MYT1L: variants seen among roughly 807,000 people sequenced by gnomAD.
MYT1L encodes the protein myelin transcription factor 1-like protein.
In MYT1L, 12 loss-of-function variants were observed where a neutral mutation model predicts 126.7. The observed-to-expected ratio is 0.09, with a 90% CI of 0.06 to 0.15. The LOEUF (loss-of-function observed/expected upper bound fraction) is 0.15, where lower values mean the gene tolerates loss of function less well. Among genes scored for constraint, MYT1L ranks in the 10% least tolerant of loss-of-function variants. The pLI is 1.00. For synonymous variants in MYT1L, 541 were observed against 604.2 expected (o/e 0.90, Z 1.53); for missense variants, 979 against 1,585.2 (o/e 0.62, Z 6.49).
chr2:2,281,266 A>T (rs957769435), intron 2 of MYT1L, among the ~76,000 whole-genome samples: 18 of 152,140 alleles, frequency 1.2e-4, no homozygotes, highest in African/African-American at 4.3e-4. Context: ...GTTTCCTGAG[A>T]CCTCCCAAGC....
chr2:1,891,182 T>C (rs958334560), intron 15 of MYT1L, among the ~76,000 whole-genome samples: 4 of 152,222 alleles, frequency 2.6e-5, no homozygotes, highest in Non-Finnish European at 5.9e-5. Flanking sequence ...TCTTCATTCA[T>C]ACCAACTACA....
intron 2 of MYT1L, among the ~76,000 whole-genome samples, chr2:2,196,548 G>A (rs1279661473): frequency 1.3e-5 from 2 of 150,736 alleles, no homozygotes; most frequent in African/African-American, 4.9e-5. Flanking sequence ...TATAATATGT[G>A]GTTTATATTA....
intron 18 of MYT1L, among the ~76,000 whole-genome samples, 159 bp from the exon 19 acceptor site, chr2:1,851,862 C>A (rs1413631357): frequency 6.6e-6 from 1 of 152,162 alleles, no homozygotes; most frequent in East Asian, 1.9e-4. Flanking sequence ...AGCTGGAAGT[C>A]ACCATGACCA....
Position 2,130,603 on chromosome 2 carries a change from A to T in MYT1L, c.-304+42269T>A, listed in dbSNP as rs182454886. On this transcript the variant is annotated intron_variant, in intron 3 of 24. Transcript: ENST00000647738. Reference sequence around the variant, plus strand: ...CCATGGGATACTCTGCTGCTATTTTAAAAAAAGTGAGATAGGGCAGGTCAT... The same window carrying T: ...CCATGGGATACTCTGCTGCTATTTTTAAAAAAGTGAGATAGGGCAGGTCAT... Among the ~76,000 whole-genome samples the T allele has an allele frequency of 1.6e-3, 241 of 152,224 alleles. 1 individual carries two copies. Among genetic ancestry groups the T allele is most frequent in the African/African-American group, 5.3e-3 (220 of 41,526 alleles).
At position 2,165,382 on chromosome 2, in the gene MYT1L, A is replaced by G. The variant is rs148436062; in HGVS notation, c.-304+7490T>C. ...CACACAGGTGACCACAGACATCCAC[A>G]TGCCACACACATTTTCCTGAACCTC... On this transcript the variant is annotated intron_variant, in intron 3 of 24. Coordinates refer to ENST00000647738, the MANE Select transcript of MYT1L (RefSeq NM_001303052.2). 9.2e-5 allele frequency among the ~76,000 whole-genome samples: 14 copies of G among 152,280 alleles called. No homozygotes were observed. The East Asian group carries it at 2.5e-3, about 27-fold the overall frequency.
intron 2 of MYT1L, among the ~76,000 whole-genome samples, chr2:2,187,659 A>G (rs1559278947): frequency 6.6e-6 from 1 of 152,078 alleles, no homozygotes; most frequent in Non-Finnish European, 1.5e-5. Context: ...CTGGCTAAAA[A>G]TACGTTTCCA....
chr2:2,281,488 T>C (rs544458676), intron 2 of MYT1L, among the ~76,000 whole-genome samples: 64 of 152,320 alleles, frequency 4.2e-4, no homozygotes, highest in African/African-American at 1.4e-3. Flanking sequence ...GTCTTCCTGA[T>C]TGATTGTAAA....
intron 2 of MYT1L, among the ~76,000 whole-genome samples, chr2:2,177,962 T>A (rs1189339287): frequency 2.0e-5 from 3 of 152,202 alleles, no homozygotes; most frequent in African/African-American, 7.2e-5. Context: ...GCTGAGATGA[T>A]CTTTGGAGAC....
intron 2 of MYT1L, among the ~76,000 whole-genome samples, chr2:2,240,411 T>C (rs1052816761): frequency 6.6e-6 from 1 of 152,044 alleles, no homozygotes; most frequent in Admixed American, 6.5e-5. Context: ...AAAAAAGAAA[T>C]GTAAATGATC....
At chr2:2,185,890 C>G (rs1161761233) in intron 2 of MYT1L, among the ~76,000 whole-genome samples, 1 of 117,446 alleles carries the variant, frequency 8.5e-6, no homozygotes, top group African/African-American at 3.7e-5. Context: ...GTGAGGGGGA[C>G]GCAGCCGGGC....
rs2048339820 is a variant in MYT1L at position 1,887,770 on chromosome 2, T to C, written c.2521-161A>G. On this transcript the variant is annotated intron_variant, in intron 16 of 24. Coordinates refer to ENST00000647738, the MANE Select transcript of MYT1L (RefSeq NM_001303052.2). This position sits in a 1 kb window ranked among gnomAD's most constrained non-coding sequence, Gnocchi z 4.8. ...TGATAACGCCCCTACTGAAAATGCA[T>C]ATTGAACTTTTCTTCCACTGCTCTA... Among the ~76,000 whole-genome samples, 1 of 152,200 alleles carries C rather than the reference T, an allele frequency of 6.6e-6. No individual in the cohort carries two copies. Among genetic ancestry groups the C allele is most frequent in the Non-Finnish European group, 1.5e-5 (1 of 68,036 alleles).
intron 3 of MYT1L, among the ~76,000 whole-genome samples, chr2:2,171,622 C>T (rs919922879): frequency 1.3e-5 from 2 of 150,906 alleles, no homozygotes; most frequent in African/African-American, 4.9e-5. Flanking sequence ...TTTTTGTCGT[C>T]GTCGTTGTTG....
chr2:2,001,087 C>A (rs6756269), intron 4 of MYT1L, among the ~76,000 whole-genome samples: 10,385 of 152,048 alleles, frequency 0.068, 680 homozygotes, highest in African/African-American at 0.18. Flanking sequence ...ATTCGTGCCC[C>A]CATACAACCT....
chr2:2,294,363 C>T (rs1342996572), intron 1 of MYT1L, among the ~76,000 whole-genome samples: 1 of 152,096 alleles, frequency 6.6e-6, no homozygotes, highest in Non-Finnish European at 1.5e-5. Flanking sequence ...AGGATGGTTT[C>T]AATTTAGAAA....
intron 2 of MYT1L, among the ~76,000 whole-genome samples, chr2:2,237,754 A>C (rs2149113475): frequency 6.6e-6 from 1 of 152,276 alleles, no homozygotes; most frequent in African/African-American, 2.4e-5. Flanking sequence ...AGGCAGCTTA[A>C]GTCATTGCTC....
chr2:2,217,681 AC>A (rs2093717386), intron 2 of MYT1L, among the ~76,000 whole-genome samples: 1 of 99,320 alleles, frequency 1.0e-5, no homozygotes. Context: ...AACAACAACA[AC>A]AACAACAACA....
At chr2:1,794,792 G>T (rs1572279722) in intron 23 of MYT1L, among the ~76,000 whole-genome samples, 1 of 152,144 alleles carries the variant, frequency 6.6e-6, no homozygotes, top group African/African-American at 2.4e-5. Context: ...GCTTATAAAT[G>T]CTTTGCTTTT....
At chr2:1,823,943 A>G (rs1054430312) in intron 21 of MYT1L, among the ~76,000 whole-genome samples, 1 of 152,228 alleles carries the variant, frequency 6.6e-6, no homozygotes, top group Non-Finnish European at 1.5e-5. Context: ...TACGTGGCAC[A>G]GTGTTGGCCT....
intron 21 of MYT1L, chr2:1,827,509 G>C (rs1162425326): frequency 6.6e-6 from 1 of 152,266 alleles, no homozygotes; most frequent in Non-Finnish European, 1.5e-5. Context: ...CTCTGGTTGG[G>C]AAAAGGGGAG....
Sources: gnomAD v4.1 joint callset for allele counts (sites outside exome capture counted in the v4.1 genomes callset) on GRCh38, gnomAD v4.1.1 for gene constraint, Gnocchi (gnomAD v3.1) non-coding constraint, MANE v1.5 for transcripts, NCBI Gene and HGNC (gene_info 2026-07-23, HGNC 2026-07-21) for gene names.